ARMC12: variants seen among roughly 807,000 people sequenced by gnomAD.
ARMC12 encodes the protein armadillo repeat containing 12.
A neutral mutation model predicts 37.4 loss-of-function variants in ARMC12; 25 were observed. The observed-to-expected ratio is 0.67, with a 90% CI of 0.49 to 0.93. ARMC12 has a LOEUF of 0.93. Among genes scored for constraint, ARMC12 ranks in the 40% least tolerant of loss-of-function variants. ARMC12 has a pLI of 0.00. For synonymous variants in ARMC12, 167 were observed against 176.1 expected, an observed-to-expected ratio of 0.95 and a Z score of 0.41; for missense variants, 384 against 426.6, an observed-to-expected ratio of 0.90 and a Z score of 0.88.
At chr6:35,734,741 G>A (rs1179238970), upstream of ARMC12, among the ~76,000 whole-genome samples, 6 of 151,888 alleles carry the variant, frequency 4.0e-5, no homozygotes, top group Non-Finnish European at 1.5e-5. Context: ...GGCAGAGATT[G>A]CAGTGAGCCA....
Position 35,738,465 on chromosome 6 carries a change from C to G in ARMC12, c.391C>G (p.Leu131Val). The stretch of plus-strand genomic sequence containing the variant: ...GGACAACAGTGTCAAAACCCAAGCT[C>G]TGAATACACTTAAAGCTTTCTCTGG... Reference protein sequence around the residue: ...DKDNSVKTQALNTLKAFSGIR... With the variant: ...DKDNSVKTQAVNTLKAFSGIR... The change falls in exon 3 of 6, where the codon CTG becomes GTG. Residue 131 changes from leucine to valine, a missense_variant. Coordinates refer to ENST00000373866, the MANE Select transcript of ARMC12 (RefSeq NM_001286574.2). 6.2e-7 allele frequency: 1 copy of G among 1,613,982 alleles called. No individual in the cohort carries two copies. The highest frequency in any genetic ancestry group is 8.5e-7 in the Non-Finnish European group (1 of 1,180,010).
At chr6:35,747,715 C>T in intron 5 of ARMC12, 68 bp downstream of exon 5, 2 of 1,484,970 alleles carry the variant, frequency 1.3e-6, no homozygotes, top group Non-Finnish European at 1.9e-6. Context: ...AGAATCATGG[C>T]ATCTCCAGAC....
chr6:35,732,199 G>T (rs1288755222), upstream of ARMC12, among the ~76,000 whole-genome samples: 1 of 152,160 alleles, frequency 6.6e-6, no homozygotes, highest in East Asian at 1.9e-4. Context: ...CTACCCGGAG[G>T]CCCCAGGATC....
intron 3 of ARMC12, among the ~76,000 whole-genome samples, chr6:35,743,060 G>A (rs900323449): frequency 2.6e-5 from 4 of 152,022 alleles, no homozygotes; most frequent in African/African-American, 7.2e-5. Context: ...CCTGCGGGTC[G>A]CCACGGCTTT....
At position 35,748,861 on chromosome 6, in the gene ARMC12, C is replaced by T; in HGVS notation, c.1014C>T (p.Asn338=). ...AGCCCAGTCGTTCCTACTTTAAAAA[C>T]ACGGAATAAAATTAAGGAGAGCCAA... ...SCQPSRSYFK[N]TE The change falls in exon 6 of 6, where the codon AAC becomes AAT. Residue 338 remains asparagine, a synonymous_variant. Coordinates refer to ENST00000373866, the MANE Select transcript of ARMC12 (RefSeq NM_001286574.2). 1 of 1,609,024 alleles carries T rather than the reference C, an allele frequency of 6.2e-7. No homozygotes were observed. Among genetic ancestry groups the T allele is most frequent in the South Asian group, 1.1e-5 (1 of 90,596 alleles).
At chr6:35,744,745 ACT>A (rs1384631713) in intron 3 of ARMC12, among the ~76,000 whole-genome samples, 3 of 152,240 alleles carry the variant, frequency 2.0e-5, no homozygotes, top group East Asian at 1.9e-4. Context: ...ACAGAGTGAG[ACT>A]CTGTCTAAAA....
In ARMC12 at chr6:35,747,648, G is replaced by C; in HGVS notation, c.690+1G>C. On this transcript the variant is annotated splice_donor_variant, in intron 5 of 5. Transcript: ENST00000373866. LOFTEE classifies it high-confidence loss of function. ...TCTCTATGACATTCTCAACTGCCAG[G>C]TGAGAAAGAAATTGAAGAGGGGCTG... 6.2e-7 allele frequency: 1 copy of C among 1,613,774 alleles called. No individual in the cohort carries two copies. The highest frequency in any genetic ancestry group is 8.5e-7 in the Non-Finnish European group (1 of 1,179,710).
intron 3 of ARMC12, among the ~76,000 whole-genome samples, chr6:35,740,863 A>G (rs1767141778): frequency 6.8e-6 from 1 of 146,872 alleles, no homozygotes; most frequent in Non-Finnish European, 1.5e-5. Flanking sequence ...ACGTGGAGAG[A>G]TTCATCCTTA....
intron 3 of ARMC12, 34 bp downstream of exon 3, chr6:35,738,552 A>G: frequency 6.2e-7 from 1 of 1,612,652 alleles, no homozygotes; most frequent in Non-Finnish European, 8.5e-7. Flanking sequence ...GGCATGCAGG[A>G]TGTCTATAGT....
In ARMC12 at chr6:35,742,483, C is replaced by T. The variant is rs377514136; in HGVS notation, c.444+3965C>T. Among the ~76,000 whole-genome samples, 474 of 117,414 alleles carry T rather than the reference C, an allele frequency of 4.0e-3. 4 individuals are homozygous for T. Among genetic ancestry groups the T allele is most frequent in the African/African-American group, 0.013 (363 of 27,866 alleles). 77.0% of individuals were successfully genotyped at this position (117,414 alleles called of 152,430 possible). A position where few individuals can be genotyped will look rare whatever the true frequency, so the allele number is the denominator to read the frequency against. On this transcript the variant is annotated intron_variant, in intron 3 of 5. Coordinates refer to ENST00000373866, the MANE Select transcript of ARMC12 (RefSeq NM_001286574.2). ...CTGCACTCCAGCCTGGGCCACAGAA[C>T]GAGACTCTGTCTCAAAAAAAAAAAA...
At chr6:35,737,874 T>C in intron 1 of ARMC12, 153 bp from the exon 2 acceptor site, 1 of 980,044 alleles carries the variant, frequency 1.0e-6, no homozygotes, top group East Asian at 2.5e-5. Context: ...TAAACATTCG[T>C]TCAACTGTAC....
chr6:35,745,087 T>C (rs1281283103), intron 3 of ARMC12, among the ~76,000 whole-genome samples: 1 of 152,202 alleles, frequency 6.6e-6, no homozygotes, highest in Admixed American at 6.5e-5. Context: ...GAACTAAACA[T>C]ACATTTACCA....
chr6:35,737,909 A>G, intron 1 of ARMC12, 118 bp from the exon 2 acceptor site: 1 of 1,413,216 alleles, frequency 7.1e-7, no homozygotes, highest in Non-Finnish European at 9.9e-7. Flanking sequence ...TATGGCGAGA[A>G]GGCTTCTCCG....
rs953010336 is a variant in ARMC12, at chr6:35,738,364, A to G, written c.310-20A>G. ...AACACCCGCTTCTCCTGCCTCTTCC[A>G]TCTCTCCCCAATACTCCAGGCCTCT... On this transcript the variant is annotated intron_variant, in intron 2 of 5. Coordinates refer to ENST00000373866, the MANE Select transcript of ARMC12 (RefSeq NM_001286574.2). 1 of 1,608,132 alleles carries G rather than the reference A, an allele frequency of 6.2e-7. No homozygotes were observed. Among genetic ancestry groups the G allele is most frequent in the Non-Finnish European group, 8.5e-7 (1 of 1,178,114 alleles).
intron 3 of ARMC12, among the ~76,000 whole-genome samples, chr6:35,745,969 C>T (rs1194883686): frequency 6.6e-6 from 1 of 152,050 alleles, no homozygotes; most frequent in Admixed American, 6.6e-5. Flanking sequence ...TCGCTTGTAC[C>T]TGGGAGGCAG....
At chr6:35,734,253 A>G (rs1766900880), upstream of ARMC12, among the ~76,000 whole-genome samples, 1 of 152,056 alleles carries the variant, frequency 6.6e-6, no homozygotes, top group Non-Finnish European at 1.5e-5. Flanking sequence ...TCTGCCTCCC[A>G]GGTTCAGGCA....
chr6:35,732,460 T>C (rs1766856662), upstream of ARMC12, among the ~76,000 whole-genome samples: 1 of 152,172 alleles, frequency 6.6e-6, no homozygotes, highest in East Asian at 1.9e-4. Flanking sequence ...ATTATGGAAT[T>C]TGTCCAAACC....
At chr6:35,739,775 T>C (rs969664763) in intron 3 of ARMC12, among the ~76,000 whole-genome samples, 5 of 152,144 alleles carry the variant, frequency 3.3e-5, no homozygotes, top group Non-Finnish European at 7.3e-5. Flanking sequence ...ACTTCAGGAG[T>C]GCCCTGCTGT....
At chr6:35,747,714 G>A (rs1030468524) in intron 5 of ARMC12, 67 bp downstream of exon 5, 1 of 1,505,646 alleles carries the variant, frequency 6.6e-7, no homozygotes, top group African/African-American at 1.4e-5. Flanking sequence ...AAGAATCATG[G>A]CATCTCCAGA....
Sources: allele counts gnomAD v4.1 joint callset (sites outside exome capture counted in the v4.1 genomes callset), GRCh38; gene constraint gnomAD v4.1.1; transcripts MANE v1.5; gene names NCBI Gene and HGNC (gene_info 2026-07-23, HGNC 2026-07-21).